Variants in SHISAL1 observed in about 807,000 individuals in gnomAD.
SHISAL1 encodes shisa like 1.
Under a neutral mutation model 22.6 loss-of-function variants are expected in SHISAL1, and 9 were observed. That is an observed-to-expected ratio of 0.40 (90% confidence interval 0.24 to 0.70). The LOEUF is 0.70. Ranked by LOEUF, SHISAL1 falls within the 30% of genes least tolerant of loss-of-function variation. The pLI, the probability that SHISAL1 is intolerant of heterozygous loss-of-function variation, is 0.39. For synonymous variants in SHISAL1, 119 were observed against 115.4 expected (o/e 1.03, Z -0.20); for missense variants, 246 against 270.6 (o/e 0.91, Z 0.64).
chr22:44,326,385 C>T, the SHISAL1 span, among the ~76,000 whole-genome samples: 2 of 152,292 alleles, frequency 1.3e-5, no homozygotes, highest in African/African-American at 4.8e-5. Flanking sequence ...ATCTCTCCTC[C>T]GCGGCAGAGC....
At chr22:44,321,468 GC>G in the SHISAL1 span, among the ~76,000 whole-genome samples, 1 of 149,092 alleles carries the variant, frequency 6.7e-6, no homozygotes, top group African/African-American at 2.6e-5. Flanking sequence ...TTGATGCTCA[GC>G]CCCTTTCCTA....
In SHISAL1 at chr22:44,310,308, C is replaced by A. The variant is rs2055509567; in HGVS notation, c.-33+2443G>T. On this transcript the variant is annotated intron_variant, in intron 1 of 4. Transcript: ENST00000381176. This position sits in a 1 kb window ranked among gnomAD's most constrained non-coding sequence, Gnocchi z 4.0. ...ACATAAGCAATGATCATCTCCATTG[C>A]TGAGATAAATAAACCACAGCTCAGA... is the stretch of plus-strand genomic sequence containing the variant. Among the ~76,000 whole-genome samples the A allele has an allele frequency of 6.6e-6, 1 of 152,234 alleles. No homozygotes were observed. The highest frequency in any genetic ancestry group is 2.1e-4 in the South Asian group (1 of 4,834).
rs978690324 is a variant in SHISAL1 at position 44,310,162 on chromosome 22, C to T, written c.-33+2589G>A. ...CCTGCTGACCTGATGCCTAGCCCTG[C>T]AGCGGTCACATCCCCGAACCCAGCC... On this transcript the variant is annotated intron_variant, in intron 1 of 4. Transcript: ENST00000381176. This position sits in a 1 kb window ranked among gnomAD's most constrained non-coding sequence, Gnocchi z 4.0. Among the ~76,000 whole-genome samples the T allele has an allele frequency of 6.6e-6, 1 of 152,248 alleles. No homozygotes were observed. The highest frequency in any genetic ancestry group is 2.4e-5 in the African/African-American group (1 of 41,458).
In SHISAL1 at chr22:44,261,911, C is replaced by G. The variant is rs1025017578; in HGVS notation, c.*-12226G>C. Among the ~76,000 whole-genome samples the G allele has an allele frequency of 6.6e-5, 10 of 152,376 alleles. 1 individual carries two copies. The highest frequency in any genetic ancestry group is 4.6e-4 in the Admixed American group (7 of 15,312). ...CAGGCTCAGGCCCACCAGTGCTCCC[C>G]TCACTCAGTGGCAACTTGTGGCCCC... is the stretch of plus-strand genomic sequence containing the variant. On this transcript the variant is annotated intron_variant, in intron 4 of 4. Coordinates refer to ENST00000381176, the MANE Select transcript of SHISAL1 (RefSeq NM_001099294.2).
At chr22:44,292,097 A>G (rs1318077760) in intron 3 of SHISAL1, among the ~76,000 whole-genome samples, 2 of 152,202 alleles carry the variant, frequency 1.3e-5, no homozygotes, top group African/African-American at 2.4e-5. Flanking sequence ...CCTCCAGAAA[A>G]ATACAAATAA....
At chr22:44,267,435 A>T (rs1205018716) in intron 4 of SHISAL1, among the ~76,000 whole-genome samples, 3 of 140,558 alleles carry the variant, frequency 2.1e-5, no homozygotes, top group Non-Finnish European at 4.7e-5. Flanking sequence ...GGCCCTGGCC[A>T]ATCTCACGGA....
chr22:44,304,300 C>G (rs1301193704), intron 1 of SHISAL1, among the ~76,000 whole-genome samples: 1 of 152,184 alleles, frequency 6.6e-6, no homozygotes, highest in African/African-American at 2.4e-5. Context: ...GGGCAAAACT[C>G]AAGGCCAAAC....
chr22:44,268,265 C>T (rs2055178782), intron 4 of SHISAL1, among the ~76,000 whole-genome samples: 2 of 152,164 alleles, frequency 1.3e-5, no homozygotes, highest in Admixed American at 6.5e-5. Context: ...TCATCGACAG[C>T]CTCTGTCCAT....
chr22:44,266,272 A>G (rs1385828869), intron 4 of SHISAL1, among the ~76,000 whole-genome samples: 1 of 152,186 alleles, frequency 6.6e-6, no homozygotes, highest in Admixed American at 6.5e-5. Context: ...ACATATTCAA[A>G]GCAGGGCTGC....
At chr22:44,325,110 G>A in the SHISAL1 span, among the ~76,000 whole-genome samples, 3 of 152,116 alleles carry the variant, frequency 2.0e-5, no homozygotes, top group South Asian at 2.1e-4. Context: ...GGGCATGGTG[G>A]TGGGCGCCTG....
intron 4 of SHISAL1, among the ~76,000 whole-genome samples, chr22:44,261,031 C>A (rs2147272625): frequency 6.9e-6 from 1 of 145,916 alleles, no homozygotes; most frequent in East Asian, 2.1e-4. Flanking sequence ...TGACGCAGCT[C>A]TATTTCTTGT....
intron 1 of SHISAL1, among the ~76,000 whole-genome samples, chr22:44,307,105 G>A (rs367890301): frequency 1.3e-5 from 2 of 152,182 alleles, no homozygotes; most frequent in South Asian, 2.1e-4. Context: ...ACACCACTCC[G>A]GCAGCCCAAG....
chr22:44,296,862 AGAC>A lies in SHISAL1; in HGVS notation c.88_90del (p.Val30del). 2 of 1,612,728 alleles carry A rather than the reference AGAC, an allele frequency of 1.2e-6. No individual in the cohort carries two copies. The highest frequency in any genetic ancestry group is 1.7e-6 in the Non-Finnish European group (2 of 1,179,980). On this transcript the variant is annotated inframe_deletion, in exon 3 of 5. Transcript: ENST00000381176. The stretch of plus-strand genomic sequence containing the variant: ...CCTTTGTGGTCTGTGTATGGTTCAC[AGAC>A]CCGGAAATGTGCAGACAAGACTGGA...
intron 4 of SHISAL1, among the ~76,000 whole-genome samples, chr22:44,278,075 G>A (rs980035454): frequency 6.6e-6 from 1 of 152,186 alleles, no homozygotes; most frequent in African/African-American, 2.4e-5. Context: ...GCCAAATGGG[G>A]TTCACATTTG....
intron 4 of SHISAL1, among the ~76,000 whole-genome samples, chr22:44,251,753 C>T (rs187658904): frequency 6.6e-6 from 1 of 152,254 alleles, no homozygotes; most frequent in East Asian, 1.9e-4. Flanking sequence ...GAAAGACCTG[C>T]CCCCATGATT....
chr22:44,266,854 G>C (rs555139087), intron 4 of SHISAL1, among the ~76,000 whole-genome samples: 1 of 152,102 alleles, frequency 6.6e-6, no homozygotes, highest in Non-Finnish European at 1.5e-5. Context: ...GCTTGAGGGC[G>C]ATGAGAATTA....
intron 1 of SHISAL1, among the ~76,000 whole-genome samples, chr22:44,303,787 G>A (rs925813330): frequency 6.6e-6 from 1 of 152,150 alleles, no homozygotes; most frequent in African/African-American, 2.4e-5. Flanking sequence ...ATGTGAGGAT[G>A]GTGGGGCCTG....
intron 3 of SHISAL1, among the ~76,000 whole-genome samples, chr22:44,293,206 C>T (rs1014174031): frequency 6.6e-6 from 1 of 152,208 alleles, no homozygotes; most frequent in Non-Finnish European, 1.5e-5. Flanking sequence ...CGCAGGAGCA[C>T]CTATGACAGG....
rs1038632331 is a variant in SHISAL1 at position 44,296,736 on chromosome 22, C to T, written c.217G>A (p.Glu73Lys). Residue 73 changes from glutamate to lysine, a missense_variant, in exon 3 of 5, where the codon GAG (glutamate) becomes AAG (lysine). Physicochemically the swap from Glu to Lys is moderately conservative, Grantham distance 56 (BLOSUM62 1). Around this residue, in one of 2 missense-constraint regions of SHISAL1, gnomAD observed 110 missense variants for 153.1 expected, o/e 0.72. Transcript: ENST00000381176. Reference sequence around the variant, plus strand: ...TGCATCACCGCCTGGAACTCCGTCTCGTTGCAGCAGTATTTGAAGACCGTG... The same window carrying T: ...TGCATCACCGCCTGGAACTCCGTCTTGTTGCAGCAGTATTTGAAGACCGTG... Reference protein sequence around the residue: ...NNTVFKYCCNETEFQAVMQAN... With the variant: ...NNTVFKYCCNKTEFQAVMQAN... 4.3e-6 allele frequency: 7 copies of T among 1,614,036 alleles called. No individual in the cohort carries two copies. The highest frequency in any genetic ancestry group is 3.3e-5 in the Admixed American group (2 of 60,016).
Sources: gnomAD v4.1 joint callset for allele counts (sites outside exome capture counted in the v4.1 genomes callset) on GRCh38, gnomAD v4.1.1 for gene constraint, gnomAD v4.1.1 regional missense constraint, Gnocchi (gnomAD v3.1) non-coding constraint, MANE v1.5 for transcripts, NCBI Gene and HGNC (gene_info 2026-07-23, HGNC 2026-07-21) for gene names.